The following PRKCH variants were observed in gnomAD, a reference collection of about 807,000 sequenced individuals.
PRKCH encodes the protein protein kinase C eta.
PRKCH carries 28 observed loss-of-function variants against 82.5 expected under a neutral mutation model. The observed-to-expected ratio is 0.34, with a 90% CI of 0.25 to 0.47. The LOEUF is 0.47. Ranked by LOEUF, PRKCH falls within the 20% of genes least tolerant of loss-of-function variation. The probability of loss-of-function intolerance (pLI) is 1.00; values close to 1 mark genes in which losing one functional copy is unlikely to be tolerated. For missense variants in PRKCH, 705 were observed against 881.8 expected, an observed-to-expected ratio of 0.80 and a Z score of 2.54; for synonymous variants, 322 against 327.4, an observed-to-expected ratio of 0.98 and a Z score of 0.18.
intron 1 of PRKCH, among the ~76,000 whole-genome samples, chr14:61,301,100 T>G (rs1566812154): frequency 6.6e-6 from 1 of 152,180 alleles, no homozygotes; most frequent in Non-Finnish European, 1.5e-5. Flanking sequence ...TCTTTTCTCT[T>G]TCTTTCGCCT....
intron 10 of PRKCH, chr14:61,528,702 C>T (rs1002314979): frequency 6.4e-6 from 1 of 156,432 alleles, no homozygotes; most frequent in Admixed American, 6.4e-5. Context: ...TTCATTCTGA[C>T]TCCGATGGGT....
chr14:61,340,420 CCTT>C (rs1332027004), intron 1 of PRKCH, among the ~76,000 whole-genome samples: 1 of 151,868 alleles, frequency 6.6e-6, no homozygotes, highest in East Asian at 1.9e-4. Context: ...TTTGTCTTTA[CCTT>C]CTTTTCTTTG....
Position 61,527,559 on chromosome 14 carries a change from G to A in PRKCH, c.1434-1516G>A, listed in dbSNP as rs146752907. On this transcript the variant is annotated intron_variant, in intron 10 of 13. Transcript: ENST00000332981. ...AGGTCTTAACATCTCTTCCCTGGAC[G>A]GTTTCAGCCTCCCCCAACTGATCTT... 7.5e-3 allele frequency among the ~76,000 whole-genome samples: 1,144 copies of A among 152,170 alleles called. 16 individuals are homozygous for A. The highest frequency in any genetic ancestry group is 0.026 in the African/African-American group (1,087 of 41,502).
chr14:61,520,614 T>G (rs1566926283), intron 10 of PRKCH, among the ~76,000 whole-genome samples: 1 of 152,292 alleles, frequency 6.6e-6, no homozygotes, highest in East Asian at 1.9e-4. Flanking sequence ...AAGAAAAAAT[T>G]CAAATGGCCA....
intron 1 of PRKCH, among the ~76,000 whole-genome samples, chr14:61,208,041 C>T (rs796628481): frequency 5.3e-5 from 8 of 151,986 alleles, no homozygotes; most frequent in African/African-American, 9.6e-5. Context: ...AGAAACCAAG[C>T]GCAAATCAAA....
At chr14:61,474,563 G>A (rs900588984) in intron 9 of PRKCH, among the ~76,000 whole-genome samples, 4 of 152,112 alleles carry the variant, frequency 2.6e-5, no homozygotes, top group African/African-American at 9.7e-5. Context: ...GCAGGGGATG[G>A]GGGGCTGGGG....
chr14:61,219,054 G>T (rs2044636351), intron 1 of PRKCH, among the ~76,000 whole-genome samples: 1 of 152,218 alleles, frequency 6.6e-6, no homozygotes, highest in Non-Finnish European at 1.5e-5. Context: ...CAGTGTCCCT[G>T]AAGTAAACAG....
intron 1 of PRKCH, among the ~76,000 whole-genome samples, chr14:61,384,191 G>A (rs1442588573): frequency 6.6e-6 from 1 of 152,142 alleles, no homozygotes; most frequent in African/African-American, 2.4e-5. Flanking sequence ...TTTAAGCCTG[G>A]GAACGCAGAA....
At position 61,448,277 on chromosome 14, in the gene PRKCH, T is replaced by G. The variant is rs992123771; in HGVS notation, c.614-887T>G. On this transcript the variant is annotated intron_variant, in intron 4 of 13. Transcript: ENST00000332981. ...ACCTTCCACATGTCTTGAAAGATCT[T>G]AAGATGATATACATTTTTATACTGC... is the stretch of plus-strand genomic sequence containing the variant. Among the ~76,000 whole-genome samples the G allele has an allele frequency of 4.0e-5, 6 of 151,850 alleles. 1 individual carries two copies. Among genetic ancestry groups the G allele is most frequent in the African/African-American group, 1.5e-4 (6 of 41,094 alleles).
At chr14:61,529,235 A>G (rs768139200) in intron 11 of PRKCH, 22 bp downstream of exon 11, 7 of 1,591,628 alleles carry the variant, frequency 4.4e-6, no homozygotes, top group Admixed American at 1.7e-5. Flanking sequence ...TGCTTGATGC[A>G]GCTCTGAAAT....
At chr14:61,281,745 A>G (rs931358519) in intron 1 of PRKCH, 1 of 165,666 alleles carries the variant, frequency 6.0e-6, no homozygotes, top group African/African-American at 2.4e-5. Flanking sequence ...GCTCTAGACC[A>G]TTTTGTCTTT....
At chr14:61,211,487 C>G (rs1235966693) in intron 1 of PRKCH, among the ~76,000 whole-genome samples, 1 of 152,046 alleles carries the variant, frequency 6.6e-6, no homozygotes, top group Non-Finnish European at 1.5e-5. Flanking sequence ...TTGAAAGTGC[C>G]AAGAAAGTTC....
Position 61,280,769 on chromosome 14 carries a change from A to T in PRKCH, c.-19+93101A>T. The T allele has an allele frequency of 6.4e-7, 1 of 1,557,636 alleles. No individual in the cohort carries two copies. The highest frequency in any genetic ancestry group is 8.6e-7 in the Non-Finnish European group (1 of 1,160,028). On this transcript the variant is annotated intron_variant, in intron 1 of 3. Transcript: ENST00000555185. This position sits in a 1 kb window ranked among gnomAD's most constrained non-coding sequence, Gnocchi z 5.0. Reference sequence around the variant, plus strand: ...CCGCTCAGCTGCGCGTCGTCGCGGGACACGCCGTAGCGCCGGTTGTTCTGG... The same window carrying T: ...CCGCTCAGCTGCGCGTCGTCGCGGGTCACGCCGTAGCGCCGGTTGTTCTGG...
At chr14:61,354,687 G>A (rs1249084525) in intron 1 of PRKCH, among the ~76,000 whole-genome samples, 1 of 152,066 alleles carries the variant, frequency 6.6e-6, no homozygotes, top group East Asian at 1.9e-4. Flanking sequence ...TTCACCTGAC[G>A]AATTCTCCAT....
intron 9 of PRKCH, 114 bp from the exon 10 acceptor site, chr14:61,485,388 A>T (rs1886172922): frequency 2.2e-6 from 3 of 1,338,480 alleles, no homozygotes; most frequent in African/African-American, 2.9e-5. Context: ...GTTTCCTGGA[A>T]TACATCCACT....
chr14:61,239,369 G>A (rs4902039), intron 1 of PRKCH, among the ~76,000 whole-genome samples: 79,750 of 151,980 alleles, frequency 0.52, 22,755 homozygotes, highest in Non-Finnish European at 0.62. Context: ...TTTAATGAGC[G>A]CCTGGGTGCA....
intron 1 of PRKCH, among the ~76,000 whole-genome samples, chr14:61,209,216 A>G (rs2044550191): frequency 6.6e-6 from 1 of 151,980 alleles, no homozygotes; most frequent in African/African-American, 2.4e-5. Context: ...CAGCCTCAAA[A>G]ACTGTAAGAA....
At chr14:61,253,055 G>A (rs546579256) in intron 1 of PRKCH, among the ~76,000 whole-genome samples, 12 of 152,296 alleles carry the variant, frequency 7.9e-5, no homozygotes, top group African/African-American at 1.2e-4. Flanking sequence ...TTTGGAGGAG[G>A]AGAAAAATTG....
intron 1 of PRKCH, among the ~76,000 whole-genome samples, chr14:61,206,953 A>T (rs558754972): frequency 6.6e-6 from 1 of 151,806 alleles, no homozygotes; most frequent in African/African-American, 2.4e-5. Flanking sequence ...CTAAAAATAC[A>T]AAATTAGCCA....
Sources: gnomAD v4.1 joint callset for allele counts (sites outside exome capture counted in the v4.1 genomes callset) on GRCh38, gnomAD v4.1.1 for gene constraint, Gnocchi (gnomAD v3.1) non-coding constraint, MANE v1.5 for transcripts, NCBI Gene and HGNC (gene_info 2026-07-23, HGNC 2026-07-21) for gene names.